Variants in CCSER1 observed in about 807,000 individuals in gnomAD.
CCSER1 encodes serine-rich coiled-coil domain-containing protein 1.
A neutral mutation model predicts 82.0 loss-of-function variants in CCSER1; 41 were observed. The ratio of observed to expected loss-of-function variants is 0.50; its 90% CI spans 0.39 to 0.65. CCSER1 has a LOEUF of 0.65. Ranked by LOEUF, CCSER1 falls within the 30% of genes least tolerant of loss-of-function variation. The pLI, the probability that CCSER1 is intolerant of heterozygous loss-of-function variation, is 0.00. For missense variants in CCSER1, 1,119 were observed against 1,064.2 expected, an observed-to-expected ratio of 1.05 and a Z score of -0.72; for synonymous variants, 414 against 383.9, an observed-to-expected ratio of 1.08 and a Z score of -0.92.
intron 7 of CCSER1, chr4:90,782,078 C>A: frequency 1.8e-6 from 1 of 558,768 alleles, no homozygotes; most frequent in Non-Finnish European, 2.3e-6. Context: ...CTTGAGTATT[C>A]AAGGATTAAT....
chr4:91,070,794 G>T (rs1043821131), intron 9 of CCSER1, among the ~76,000 whole-genome samples: 1 of 152,096 alleles, frequency 6.6e-6, no homozygotes, highest in Non-Finnish European at 1.5e-5. Flanking sequence ...GTGCCAAAAA[G>T]GTTGGGAACC....
At chr4:90,152,871 T>G (rs541623562) in intron 1 of CCSER1, among the ~76,000 whole-genome samples, 3 of 151,608 alleles carry the variant, frequency 2.0e-5, no homozygotes, top group Non-Finnish European at 2.9e-5. Context: ...GTGCTAGGTT[T>G]TTTTTTTTTT....
intron 8 of CCSER1, among the ~76,000 whole-genome samples, chr4:90,856,639 G>T (rs79905021): frequency 0.055 from 8,384 of 152,126 alleles, 435 homozygotes; most frequent in African/African-American, 0.14. Context: ...ACTAAAAACA[G>T]AGTATTAAGA....
chr4:91,224,747 G>A (rs1738015650), intron 10 of CCSER1, among the ~76,000 whole-genome samples: 1 of 151,768 alleles, frequency 6.6e-6, no homozygotes, highest in African/African-American at 2.4e-5. Context: ...AAAATAATTT[G>A]GGCATTAAAC....
intron 3 of CCSER1, among the ~76,000 whole-genome samples, chr4:90,338,964 G>A (rs1740895292): frequency 6.6e-6 from 1 of 152,098 alleles, no homozygotes; most frequent in Non-Finnish European, 1.5e-5. Context: ...AAGGAGTCTC[G>A]AGTAAAAGCA....
intron 1 of CCSER1, among the ~76,000 whole-genome samples, chr4:90,226,032 G>A (rs1260806129): frequency 1.3e-5 from 2 of 152,208 alleles, no homozygotes. Context: ...ATGCAATGTG[G>A]TTGGCTACCC....
chr4:90,131,061 A>T (rs1435704681), intron 1 of CCSER1, among the ~76,000 whole-genome samples: 1 of 147,288 alleles, frequency 6.8e-6, no homozygotes, highest in East Asian at 2.1e-4. Context: ...GCAGTGGCGC[A>T]ATCTCGGCTC....
intron 4 of CCSER1, among the ~76,000 whole-genome samples, chr4:90,405,307 GA>G (rs202080319): frequency 0.01 from 1,547 of 152,028 alleles, 17 homozygotes; most frequent in South Asian, 0.03. Flanking sequence ...ATTCATTAAA[GA>G]CAAAGAAAAA....
intron 10 of CCSER1, among the ~76,000 whole-genome samples, chr4:91,556,651 G>A (rs901554915): frequency 2.6e-5 from 4 of 150,988 alleles, no homozygotes; most frequent in African/African-American, 2.4e-5. Context: ...CAATCCTGCC[G>A]ACTCCATGAT....
At chr4:90,161,358 C>T (rs116085603) in intron 1 of CCSER1, among the ~76,000 whole-genome samples, 4,434 of 152,210 alleles carry the variant, frequency 0.029, 106 homozygotes, top group South Asian at 0.06. Flanking sequence ...ACTTATTATT[C>T]TCACCTGCCA....
intron 10 of CCSER1, among the ~76,000 whole-genome samples, chr4:91,465,356 G>A (rs1236429381): frequency 1.3e-5 from 2 of 152,320 alleles, no homozygotes; most frequent in South Asian, 2.1e-4. Flanking sequence ...ATTTAAAGCA[G>A]TGTGTAGAGG....
intron 10 of CCSER1, among the ~76,000 whole-genome samples, chr4:91,157,354 G>A (rs1730915113): frequency 6.6e-6 from 1 of 151,898 alleles, no homozygotes; most frequent in Non-Finnish European, 1.5e-5. Context: ...AACAAGAAGA[G>A]GAAAATGGTT....
At chr4:91,144,014 C>T (rs374494201) in intron 10 of CCSER1, among the ~76,000 whole-genome samples, 13 of 152,030 alleles carry the variant, frequency 8.6e-5, no homozygotes, top group South Asian at 8.3e-4. Context: ...ATAAGTCCCT[C>T]CTTTTTGGTT....
chr4:90,149,373 A>AG (rs1157690268), intron 1 of CCSER1, among the ~76,000 whole-genome samples: 1 of 152,018 alleles, frequency 6.6e-6, no homozygotes, highest in Non-Finnish European at 1.5e-5. Context: ...TGCTGTTTTC[A>AG]GGCAAAGCCA....
At chr4:90,195,426 G>T (rs1050717721) in intron 1 of CCSER1, among the ~76,000 whole-genome samples, 2 of 152,110 alleles carry the variant, frequency 1.3e-5, no homozygotes, top group African/African-American at 4.8e-5. Context: ...ACAGTAAAAT[G>T]ATCAGTGGTT....
At chr4:90,520,950 A>T (rs887468163) in intron 5 of CCSER1, among the ~76,000 whole-genome samples, 31 of 152,280 alleles carry the variant, frequency 2.0e-4, no homozygotes, top group African/African-American at 7.2e-4. Flanking sequence ...GTGTGTTTAA[A>T]TTTTTATAAT....
intron 4 of CCSER1, among the ~76,000 whole-genome samples, chr4:90,447,757 G>A (rs995904068): frequency 1.3e-5 from 2 of 152,028 alleles, no homozygotes; most frequent in African/African-American, 2.4e-5. Flanking sequence ...GTGAAACAAC[G>A]TTAATGGATC....
At chr4:90,360,028 C>G (rs1745069817) in intron 3 of CCSER1, among the ~76,000 whole-genome samples, 1 of 148,778 alleles carries the variant, frequency 6.7e-6, no homozygotes, top group South Asian at 2.1e-4. Context: ...AAGCGATTCC[C>G]TGCCTCAGCC....
chr4:90,165,964 T>C (rs1730379415), intron 1 of CCSER1, among the ~76,000 whole-genome samples: 2 of 151,998 alleles, frequency 1.3e-5, no homozygotes, highest in African/African-American at 4.8e-5. Flanking sequence ...AATTTAAGAA[T>C]AGAAGTTAAT....
Sources: allele counts gnomAD v4.1 joint callset (sites outside exome capture counted in the v4.1 genomes callset), GRCh38; gene constraint gnomAD v4.1.1; transcripts MANE v1.5; gene names NCBI Gene and HGNC (gene_info 2026-07-23, HGNC 2026-07-21).